MAGI1: variants seen among roughly 807,000 people sequenced by gnomAD.
MAGI1 encodes the protein membrane-associated guanylate kinase, WW and PDZ domain-containing protein 1.
In MAGI1, 58 loss-of-function variants were observed where a neutral mutation model predicts 139.9. The ratio of observed to expected loss-of-function variants is 0.41; its 90% CI spans 0.34 to 0.52. The LOEUF (loss-of-function observed/expected upper bound fraction) is 0.52, where lower values mean the gene tolerates loss of function less well. Among genes scored for constraint, MAGI1 ranks in the 20% least tolerant of loss-of-function variants. The probability of loss-of-function intolerance (pLI) is 0.12; values close to 1 mark genes in which losing one functional copy is unlikely to be tolerated. For synonymous variants in MAGI1, 812 were observed against 737.9 expected (o/e 1.10, Z -1.63); for missense variants, 1,874 against 1,901.6 (o/e 0.99, Z 0.27).
intron 1 of MAGI1, among the ~76,000 whole-genome samples, chr3:66,018,665 G>A (rs1365446775): frequency 6.6e-6 from 1 of 152,172 alleles, no homozygotes; most frequent in African/African-American, 2.4e-5. Context: ...TTTGGTGGCC[G>A]CTGATGGGCT....
At chr3:65,919,204 G>T (rs955757759) in intron 1 of MAGI1, among the ~76,000 whole-genome samples, 3 of 152,162 alleles carry the variant, frequency 2.0e-5, no homozygotes, top group Admixed American at 1.3e-4. Flanking sequence ...ACAAAATGCT[G>T]ACTTCTCATT....
intron 1 of MAGI1, among the ~76,000 whole-genome samples, chr3:65,913,765 T>C (rs2061772405): frequency 1.3e-5 from 2 of 152,164 alleles, no homozygotes; most frequent in Non-Finnish European, 2.9e-5. Flanking sequence ...AGAAGACAGT[T>C]AACAGAGGAA....
At chr3:65,873,462 T>C (rs1409496424) in intron 1 of MAGI1, 1 of 152,274 alleles carries the variant, frequency 6.6e-6, no homozygotes, top group Non-Finnish European at 1.5e-5. Context: ...TGGTACATTA[T>C]GGCACTTTGG....
intron 3 of MAGI1, among the ~76,000 whole-genome samples, chr3:65,479,058 C>G (rs1038229409): frequency 6.6e-6 from 1 of 152,146 alleles, no homozygotes; most frequent in African/African-American, 2.4e-5. Context: ...GGAGGCTATG[C>G]TGAATAGTAA....
intron 1 of MAGI1, among the ~76,000 whole-genome samples, chr3:66,012,019 C>G (rs2067346823): frequency 6.6e-6 from 1 of 152,062 alleles, no homozygotes; most frequent in African/African-American, 2.4e-5. Flanking sequence ...TTTTCCTTAG[C>G]TGTAACTCCC....
chr3:65,986,028 G>C (rs753671610), intron 1 of MAGI1, among the ~76,000 whole-genome samples: 5 of 152,182 alleles, frequency 3.3e-5, no homozygotes, highest in Non-Finnish European at 7.3e-5. Flanking sequence ...GGCTTTTGGA[G>C]AATCAGCTCA....
rs933220308 is a variant in MAGI1, at chr3:65,360,928, T to A, written c.3634+271A>T. 15 of 1,390,956 alleles carry A rather than the reference T, an allele frequency of 1.1e-5. No homozygotes were observed. In the African/African-American group the frequency reaches 2.2e-4, roughly 20 times the overall value. The allele number at this position is 1,390,956 out of a possible 1,614,324, so 86.2% of individuals were successfully genotyped here. Reference sequence around the variant, plus strand: ...AGTACAAACAAACATTCCTTCGCTCTTGGTCGGACTAGACAAAACGTTCTC... The same window carrying A: ...AGTACAAACAAACATTCCTTCGCTCATGGTCGGACTAGACAAAACGTTCTC... On this transcript the variant is annotated intron_variant, in intron 22 of 22. Coordinates refer to ENST00000402939, the MANE Select transcript of MAGI1 (RefSeq NM_001033057.2).
At chr3:65,628,765 T>A (rs1036612027) in intron 1 of MAGI1, among the ~76,000 whole-genome samples, 38 of 152,164 alleles carry the variant, frequency 2.5e-4, no homozygotes, top group Non-Finnish European at 5.0e-4. Context: ...TCCAACTTTA[T>A]AAATGTTTCC....
In MAGI1 at chr3:65,943,448, G is replaced by A. The variant is rs546204761; in HGVS notation, c.313+94548C>T. On this transcript the variant is annotated intron_variant, in intron 1 of 22. Transcript: ENST00000402939. ...AAATTAGCTGGGCGTGGTGGCAGGC[G>A]CCTGTAATCCCGGCTAGTCGGGAGG... Among the ~76,000 whole-genome samples, 13 of 151,940 alleles carry A rather than the reference G, an allele frequency of 8.6e-5. No homozygotes were observed. In the East Asian group the frequency reaches 1.6e-3, roughly 18 times the overall value.
chr3:65,494,783 C>A (rs756308309), intron 2 of MAGI1, among the ~76,000 whole-genome samples: 2 of 152,224 alleles, frequency 1.3e-5, no homozygotes, highest in Non-Finnish European at 2.9e-5. Flanking sequence ...ATGTGAATAA[C>A]CGCATCCACA....
chr3:65,812,460 T>TCACACA (rs1241847173), intron 1 of MAGI1, among the ~76,000 whole-genome samples: 113 of 99,280 alleles, frequency 1.1e-3, no homozygotes, highest in African/African-American at 3.9e-3. Context: ...TCTCTCTCTC[T>TCACACA]CTCTCTCTCA....
intron 1 of MAGI1, among the ~76,000 whole-genome samples, chr3:65,977,438 C>T (rs772121275): frequency 2.6e-5 from 4 of 152,088 alleles, no homozygotes; most frequent in Non-Finnish European, 5.9e-5. Context: ...CGGCCGGGCG[C>T]GGTGGTTCAT....
At chr3:65,530,715 A>G (rs1446545221) in intron 2 of MAGI1, among the ~76,000 whole-genome samples, 3 of 136,818 alleles carry the variant, frequency 2.2e-5, no homozygotes, top group African/African-American at 8.3e-5. Flanking sequence ...ATACACGTGT[A>G]TATATATACA....
chr3:65,532,149 A>G (rs991278918), intron 2 of MAGI1, among the ~76,000 whole-genome samples: 1 of 152,062 alleles, frequency 6.6e-6, no homozygotes, highest in Non-Finnish European at 1.5e-5. Flanking sequence ...AAACCAAATC[A>G]TCTTATCTTT....
At chr3:66,031,955 C>T in intron 1 of MAGI1, among the ~76,000 whole-genome samples, 1 of 152,166 alleles carries the variant, frequency 6.6e-6, no homozygotes, top group Non-Finnish European at 1.5e-5. Context: ...TTAGAGTCAA[C>T]AGGCAGAAAT....
chr3:65,409,055 C>A (rs988469500), intron 12 of MAGI1, among the ~76,000 whole-genome samples: 2 of 152,168 alleles, frequency 1.3e-5, no homozygotes, highest in Non-Finnish European at 2.9e-5. Context: ...ATCATGCAAG[C>A]CTTTCTTGAA....
intron 2 of MAGI1, among the ~76,000 whole-genome samples, chr3:65,591,999 T>C (rs1246962907): frequency 6.6e-6 from 1 of 152,208 alleles, no homozygotes; most frequent in South Asian, 2.1e-4. Flanking sequence ...CCTTCTAATA[T>C]ACGAAATGAT....
At chr3:65,579,042 A>C (rs1165981521) in intron 2 of MAGI1, among the ~76,000 whole-genome samples, 1 of 151,920 alleles carries the variant, frequency 6.6e-6, no homozygotes, top group Non-Finnish European at 1.5e-5. Flanking sequence ...ACTAATACAA[A>C]ACATAGACTT....
At chr3:65,968,441 T>C (rs1179156910) in intron 1 of MAGI1, among the ~76,000 whole-genome samples, 2 of 152,002 alleles carry the variant, frequency 1.3e-5, no homozygotes, top group Admixed American at 6.6e-5. Context: ...CTCCAAGTCA[T>C]TGAAAAGAAT....
Sources: gnomAD v4.1 joint callset for allele counts (sites outside exome capture counted in the v4.1 genomes callset) on GRCh38, gnomAD v4.1.1 for gene constraint, MANE v1.5 for transcripts, NCBI Gene and HGNC (gene_info 2026-07-23, HGNC 2026-07-21) for gene names.